The following MED13 variants were observed in gnomAD, a reference collection of about 807,000 sequenced individuals.
MED13 encodes the protein mediator complex subunit 13.
MED13 carries 23 observed loss-of-function variants against 225.2 expected under a neutral mutation model. The ratio of observed to expected loss-of-function variants is 0.10; its 90% CI spans 0.07 to 0.14. The LOEUF (loss-of-function observed/expected upper bound fraction) is 0.14. Ranked by LOEUF, MED13 falls within the 10% of genes least tolerant of loss-of-function variation. The pLI is 1.00. For missense variants in MED13, 2,197 were observed against 2,594.5 expected (o/e 0.85, Z 3.33); for synonymous variants, 942 against 889.2 (o/e 1.06, Z -1.06).
At chr17:61,948,214 T>C (rs1457177334) in intron 28 of MED13, among the ~76,000 whole-genome samples, 1 of 151,438 alleles carries the variant, frequency 6.6e-6, no homozygotes, top group Non-Finnish European at 1.5e-5. Flanking sequence ...ATAAGATATA[T>C]GAAAAAAAAA....
chr17:62,058,979 A>G (rs1484721217), intron 2 of MED13, among the ~76,000 whole-genome samples: 3 of 152,252 alleles, frequency 2.0e-5, no homozygotes, highest in Non-Finnish European at 2.9e-5. Flanking sequence ...GCTAAGTGAC[A>G]TAAGAGAAAA....
chr17:62,001,392 C>T (rs951995802), intron 9 of MED13, among the ~76,000 whole-genome samples: 5 of 152,136 alleles, frequency 3.3e-5, no homozygotes, highest in African/African-American at 1.2e-4. Flanking sequence ...CCAAACTGAT[C>T]TCCTTTCACA....
rs1453132667 is a variant in MED13, at chr17:61,945,038, C to T, written c.*1430G>A. 1 of 152,574 alleles carries T rather than the reference C, an allele frequency of 6.6e-6. No individual in the cohort carries two copies. Among genetic ancestry groups the T allele is most frequent in the Non-Finnish European group, 1.5e-5 (1 of 68,030 alleles). 9.5% of individuals were successfully genotyped at this position (152,574 alleles called of 1,614,324 possible). ...GAGAACCTCCTTGGCATATGCCCTACCTTAATCTGAGCTGTGTTATAGAAA... is the reference window on the plus strand; with the variant it reads ...GAGAACCTCCTTGGCATATGCCCTATCTTAATCTGAGCTGTGTTATAGAAA... On this transcript the variant is annotated 3_prime_UTR_variant, in exon 30 of 30. Coordinates refer to ENST00000397786, the MANE Select transcript of MED13 (RefSeq NM_005121.3).
chr17:62,033,981 A>G lies in MED13; in HGVS notation c.620T>C (p.Ile207Thr), dbSNP rs760649764. The G allele has an allele frequency of 4.3e-6, 7 of 1,613,544 alleles. No individual in the cohort carries two copies. The highest frequency in any genetic ancestry group is 2.2e-5 in the East Asian group (1 of 44,870). ...GCCATTTAGTCCAAATGGGCATAAG[A>G]TAACTAGAAACCCAAAGCAGACATC... ...AQQSNSPFQV[I>T]LCPFGLNGTL... The change falls in exon 5 of 30, where the codon ATC becomes ACC. Residue 207 changes from isoleucine (I) to threonine (T), a missense_variant. By Grantham distance (89) the Ile-to-Thr change is moderately conservative. Coordinates refer to ENST00000397786, the MANE Select transcript of MED13 (RefSeq NM_005121.3).
At chr17:61,983,731 C>T (rs563056220) in intron 15 of MED13, among the ~76,000 whole-genome samples, 2 of 138,480 alleles carry the variant, frequency 1.4e-5, no homozygotes, top group Non-Finnish European at 1.6e-5. Context: ...CCCAATTAAC[C>T]TTTTTTTTTT....
In MED13 at chr17:61,961,724, T is replaced by C. The variant is rs1199783791; in HGVS notation, c.5120A>G (p.Tyr1707Cys). 1.2e-6 allele frequency: 2 copies of C among 1,614,070 alleles called. No homozygotes were observed. The highest frequency in any genetic ancestry group is 1.3e-5 in the African/African-American group (1 of 75,022). The change falls in exon 22 of 30, where the codon TAT becomes TGT. Residue 1707 changes from tyrosine to cysteine, a missense_variant. By Grantham distance (194) the Tyr-to-Cys change is radical. Around this residue, in one of 12 missense-constraint regions of MED13, gnomAD observed 457 missense variants for 442.2 expected, o/e 1.03. Transcript: ENST00000397786. ...AGCCAGGGATTTTAAATGCTGGGGA[T>C]AGATTTCTCTATCTTCATGCTTCAC... is the stretch of plus-strand genomic sequence containing the variant. ...QPVKHEDREI[Y>C]PQHLKSLAFS...
intron 17 of MED13, among the ~76,000 whole-genome samples, chr17:61,969,905 G>A (rs1365308962): frequency 6.6e-6 from 1 of 152,012 alleles, no homozygotes; most frequent in African/African-American, 2.4e-5. Flanking sequence ...CCTGGTGAGT[G>A]TTCTTACCAT....
At chr17:62,020,231 C>CTTTT (rs202093070) in intron 8 of MED13, among the ~76,000 whole-genome samples, 1 of 146,398 alleles carries the variant, frequency 6.8e-6, no homozygotes, top group African/African-American at 2.5e-5. Context: ...AGCAGCCTTT[C>CTTTT]TTTTTTTTTT....
chr17:62,035,771 A>T (rs1335807696), intron 3 of MED13, among the ~76,000 whole-genome samples, 163 bp from the exon 4 acceptor site: 1 of 152,230 alleles, frequency 6.6e-6, no homozygotes, highest in African/African-American at 2.4e-5. Flanking sequence ...AGACTTAGCT[A>T]TAAGAAATGT....
At position 62,063,270 on chromosome 17, in the gene MED13, T is replaced by A. The variant is rs375552968; in HGVS notation, c.98A>T (p.Tyr33Phe). 2.0e-5 allele frequency: 32 copies of A among 1,613,694 alleles called. No individual in the cohort carries two copies. Among genetic ancestry groups the A allele is most frequent in the Admixed American group, 5.0e-5 (3 of 59,914 alleles). ...GGCAGAAGTTGGGCCTTGCCATACA[T>A]ATTTTTTCCACTTAATTCCTGTCAA... ...ADLTGIKWKKYVWQGPTSAPI... is the reference protein window; with the variant it reads ...ADLTGIKWKKFVWQGPTSAPI... Residue 33 changes from tyrosine to phenylalanine, a missense_variant, in exon 2 of 30, where the codon TAT (tyrosine) becomes TTT (phenylalanine). Tyr to Phe is a conservative substitution (Grantham distance 22). Around this residue, in one of 12 missense-constraint regions of MED13, gnomAD observed 884 missense variants for 918.5 expected, o/e 0.96. Coordinates refer to ENST00000397786, the MANE Select transcript of MED13 (RefSeq NM_005121.3).
intron 3 of MED13, among the ~76,000 whole-genome samples, chr17:62,050,966 C>A (rs1277081056): frequency 6.6e-6 from 1 of 152,070 alleles, no homozygotes; most frequent in Non-Finnish European, 1.5e-5. Context: ...GATTGCACCA[C>A]TGCACTCCAG....
chr17:61,968,246 G>A lies in MED13; in HGVS notation c.3980C>T (p.Ser1327Phe). Residue 1327 changes from serine to phenylalanine, a missense_variant, in exon 18 of 30, where the codon TCC becomes TTC. Around this residue, in one of 12 missense-constraint regions of MED13, gnomAD observed 47 missense variants for 93.8 expected, o/e 0.50. Transcript: ENST00000397786. ...TGTGGGGATTGGCAGTGGTTCTGGG[G>A]ATTCATCAGTTCCTAAATAAGAAAG... ...AGRGSYGTDE[S>F]PEPLPIPTFL... is the part of the protein sequence containing the mutation. The A allele has an allele frequency of 6.2e-7, 1 of 1,611,638 alleles. No homozygotes were observed. Among genetic ancestry groups the A allele is most frequent in the Non-Finnish European group, 8.5e-7 (1 of 1,178,368 alleles).
intron 3 of MED13, among the ~76,000 whole-genome samples, chr17:62,046,772 G>A (rs573904820): frequency 5.3e-4 from 81 of 152,120 alleles, no homozygotes; most frequent in African/African-American, 1.8e-3. Flanking sequence ...GGCAGTTTGG[G>A]CTGCAATGAG....
chr17:62,048,039 TATAC>T (rs201898820), intron 3 of MED13, among the ~76,000 whole-genome samples: 44 of 121,314 alleles, frequency 3.6e-4, no homozygotes, highest in Non-Finnish European at 5.4e-4. Context: ...TACATATACA[TATAC>T]ATATATATAT....
intron 8 of MED13, among the ~76,000 whole-genome samples, chr17:62,018,000 ATTTG>A (rs1212362757): frequency 6.6e-6 from 1 of 152,214 alleles, no homozygotes. Flanking sequence ...CATTTGGCAG[ATTTG>A]TTTATTAGGT....
intron 8 of MED13, 131 bp downstream of exon 8, chr17:62,029,410 T>C (rs2080732739): frequency 4.9e-6 from 3 of 611,020 alleles, no homozygotes; most frequent in Non-Finnish European, 5.7e-6. Flanking sequence ...GAAATATTTT[T>C]CCTGAATTTT....
rs60236710 is a variant in MED13, at chr17:62,008,016, CAAA to C, written c.1967+2531_1967+2533del. Reference sequence around the variant, plus strand: ...CCTGGAGGAAAGAGCGAGACTGTCTCAAAAAAAAAAAAAAAAAAAAGCTGTGCG... The same window carrying C: ...CCTGGAGGAAAGAGCGAGACTGTCTCAAAAAAAAAAAAAAAAAGCTGTGCG... On this transcript the variant is annotated intron_variant, in intron 9 of 29. Transcript: ENST00000397786. Among the ~76,000 whole-genome samples the C allele has an allele frequency of 3.6e-3, 181 of 50,498 alleles. 1 individual carries two copies. The highest frequency in any genetic ancestry group is 0.011 in the African/African-American group (163 of 14,694). 33.1% of individuals were successfully genotyped at this position (50,498 alleles called of 152,430 possible).
intron 3 of MED13, among the ~76,000 whole-genome samples, chr17:62,048,582 T>G (rs937612213): frequency 6.6e-6 from 1 of 151,918 alleles, no homozygotes; most frequent in East Asian, 1.9e-4. Flanking sequence ...GATGATGTAT[T>G]TAAAAGATTA....
intron 23 of MED13, among the ~76,000 whole-genome samples, chr17:61,957,761 C>A (rs1192780756): frequency 2.0e-5 from 3 of 152,218 alleles, no homozygotes; most frequent in Non-Finnish European, 4.4e-5. Flanking sequence ...GACCAAAACA[C>A]CACACTTCTC....
Sources: allele counts gnomAD v4.1 joint callset (sites outside exome capture counted in the v4.1 genomes callset), GRCh38; gene constraint gnomAD v4.1.1; regional missense constraint gnomAD v4.1.1; transcripts MANE v1.5; gene names NCBI Gene and HGNC (gene_info 2026-07-23, HGNC 2026-07-21).